RPL3L: variants seen among roughly 807,000 people sequenced by gnomAD.
RPL3L encodes the protein ribosomal protein uL3-like.
Under a neutral mutation model 44.5 loss-of-function variants are expected in RPL3L, and 44 were observed. The ratio of observed to expected loss-of-function variants is 0.99; its 90% CI spans 0.78 to 1.27. The LOEUF (loss-of-function observed/expected upper bound fraction) is 1.27. RPL3L is among the 50% of genes most tolerant of loss of function. RPL3L has a pLI of 0.00. For missense variants in RPL3L, 631 were observed against 569.1 expected, an observed-to-expected ratio of 1.11 and a Z score of -1.11; for synonymous variants, 292 against 230.7, an observed-to-expected ratio of 1.27 and a Z score of -2.41.
rs1388221264 is a variant in RPL3L, at chr16:1,953,675, G to A, written c.196+281C>T. Among the ~76,000 whole-genome samples, 5 of 152,218 alleles carry A rather than the reference G, an allele frequency of 3.3e-5. No homozygotes were observed. The South Asian group carries it at 6.2e-4, about 19-fold the overall frequency. On this transcript the variant is annotated intron_variant, in intron 2 of 9. Transcript: ENST00000268661. The stretch of plus-strand genomic sequence containing the variant: ...GCAGGTGGTTTGAACCGAGGGCTTG[G>A]GGCGCTGGCCTTTGAATCCTAGCTC...
chr16:1,953,808 G>A (rs1431698031), intron 2 of RPL3L, 148 bp downstream of exon 2: 3 of 796,898 alleles, frequency 3.8e-6, no homozygotes, highest in Admixed American at 4.0e-5. Context: ...AGCCCTGCCT[G>A]TGCTCAGCGT....
At position 1,946,061 on chromosome 16, in the gene RPL3L, G is replaced by A. The variant is rs58516085; in HGVS notation, c.952-131C>T. ...CCCCGTGCCCAGCCCCCAGATGTAG[G>A]GGTGACTATCACGCCGCCCCTACTG... On this transcript the variant is annotated intron_variant, in intron 7 of 9. Transcript: ENST00000268661. The A allele has an allele frequency of 1.3e-3, 955 of 710,268 alleles. 9 individuals are homozygous for A. In the African/African-American group the frequency reaches 0.015, roughly 11 times the overall value. 44.0% of individuals were successfully genotyped at this position (710,268 alleles called of 1,614,324 possible).
At chr16:1,946,019 G>A in intron 7 of RPL3L, 89 bp from the exon 8 acceptor site, 1 of 1,098,426 alleles carries the variant, frequency 9.1e-7, no homozygotes, top group South Asian at 1.5e-5. Flanking sequence ...CCCAGAGGGG[G>A]CAGTGATAGG....
Position 1,946,943 on chromosome 16 carries a change from T to C in RPL3L, c.844A>G (p.Lys282Glu), listed in dbSNP as rs1453304901. Residue 282 changes from lysine (K) to glutamate (E), a missense_variant, in exon 6 of 10, where the codon AAG becomes GAG. Lys to Glu is a moderately conservative substitution (Grantham distance 56). Transcript: ENST00000268661. ...KGYHHRTELNKKIFRIGRGPH... is the reference protein window; with the variant it reads ...KGYHHRTELNEKIFRIGRGPH... ...TACCCCGGCTGAGGACGCACCTTCT[T>C]GTTGAGCTCCGTGCGGTGGTGATAG... The C allele has an allele frequency of 2.3e-5, 37 of 1,600,044 alleles. No homozygotes were observed. Among genetic ancestry groups the C allele is most frequent in the African/African-American group, 4.0e-5 (3 of 74,498 alleles).
Position 1,954,286 on chromosome 16 carries a change from A to T in RPL3L, c.4-138T>A, listed in dbSNP as rs556651396. The T allele has an allele frequency of 4.9e-5, 48 of 976,660 alleles. No homozygotes were observed. In the African/African-American group the frequency reaches 6.6e-4, roughly 13 times the overall value. 60.5% of individuals were successfully genotyped at this position (976,660 alleles called of 1,614,324 possible). A position where few individuals can be genotyped will look rare whatever the true frequency, so the allele number is the denominator to read the frequency against. ...TGCTCAGCACCTCCCCTGTCTGCCT[A>T]CAGGAGGGGAGAGGAAGGTTCACCA... On this transcript the variant is annotated intron_variant, in intron 1 of 9. Transcript: ENST00000268661.
In RPL3L at chr16:1,948,110, T is replaced by C. The variant is rs192150878; in HGVS notation, c.502-730A>G. On this transcript the variant is annotated intron_variant, in intron 4 of 9. Coordinates refer to ENST00000268661, the MANE Select transcript of RPL3L (RefSeq NM_005061.3). ...CCGCCACCTCGACCAGCTAATTTTT[T>C]GTATTTTTAGTTGAGACAGGGTTTC... Among the ~76,000 whole-genome samples, 829 of 151,804 alleles carry C rather than the reference T, an allele frequency of 5.5e-3. 11 individuals are homozygous for C. The highest frequency in any genetic ancestry group is 0.019 in the African/African-American group (781 of 41,378).
In RPL3L at chr16:1,944,786, C is replaced by T. The variant is rs753222924; in HGVS notation, c.*51G>A. The T allele has an allele frequency of 1.6e-5, 25 of 1,612,120 alleles. No individual in the cohort carries two copies. Among genetic ancestry groups the T allele is most frequent in the Non-Finnish European group, 2.0e-5 (24 of 1,178,368 alleles). ...AGAGTCGCCTCCGGCCTTTGTTAGA[C>T]ATTGGGGCAGACAGTGCGGTGCGCT... On this transcript the variant is annotated 3_prime_UTR_variant, in exon 10 of 10. Transcript: ENST00000268661.
intron 4 of RPL3L, among the ~76,000 whole-genome samples, chr16:1,948,211 A>T (rs2083140081): frequency 6.7e-6 from 1 of 148,530 alleles, no homozygotes; most frequent in Admixed American, 6.7e-5. Context: ...TGCTGGGATT[A>T]CAGGCGTGAG....
intron 3 of RPL3L, 41 bp downstream of exon 3, chr16:1,952,833 C>G (rs1000011132): frequency 1.2e-6 from 2 of 1,606,962 alleles, no homozygotes; most frequent in South Asian, 1.1e-5. Context: ...CTTCTGTGGT[C>G]CCAGCAGCCC....
At chr16:1,948,144 G>T (rs568147209) in intron 4 of RPL3L, among the ~76,000 whole-genome samples, 1 of 151,664 alleles carries the variant, frequency 6.6e-6, no homozygotes, top group Non-Finnish European at 1.5e-5. Flanking sequence ...TCACTGTGTT[G>T]GCCCGGATGG....
intron 4 of RPL3L, among the ~76,000 whole-genome samples, chr16:1,948,103 A>G (rs1018666200): frequency 3.3e-5 from 5 of 151,016 alleles, no homozygotes; most frequent in African/African-American, 1.2e-4. Context: ...TCGACCAGCT[A>G]ATTTTTTGTA....
In RPL3L at chr16:1,945,588, C is replaced by A. The variant is rs140116056; in HGVS notation, c.1078G>T (p.Val360Leu). The stretch of plus-strand genomic sequence containing the variant: ...ATGAACTTGAGCTCAATATTCTCCA[C>A]GGCTTGGCGACTGTGATGCACCAGG... ...SLLVHHSRQA[V>L]ENIELKFIDT... Residue 360 changes from valine (V) to leucine (L), a missense_variant, in exon 9 of 10, where the codon GTG (valine) becomes TTG (leucine). Transcript: ENST00000268661. The A allele has an allele frequency of 1.8e-5, 29 of 1,613,782 alleles. No homozygotes were observed. Among genetic ancestry groups the A allele is most frequent in the East Asian group, 6.7e-5 (3 of 44,860 alleles).
intron 9 of RPL3L, 99 bp downstream of exon 9, chr16:1,945,399 AG>A (rs1205690803): frequency 7.8e-7 from 1 of 1,285,186 alleles, no homozygotes; most frequent in East Asian, 2.9e-5. Context: ...CCTGCAGTTG[AG>A]CTCAGGGGAG....
Position 1,944,575 on chromosome 16 carries a change from C to A in RPL3L, c.*262G>T. The A allele has an allele frequency of 2.8e-6, 1 of 359,752 alleles. No homozygotes were observed. The highest frequency in any genetic ancestry group is 5.1e-6 in the Non-Finnish European group (1 of 196,402). 22.3% of individuals were successfully genotyped at this position (359,752 alleles called of 1,614,324 possible). ...AAAAAAAAAAAAAACCTCTGCTCCG[C>A]AAATGCTCAAAGAGATCGATTTGAG... is the stretch of plus-strand genomic sequence containing the variant. On this transcript the variant is annotated 3_prime_UTR_variant, in exon 10 of 10. Transcript: ENST00000268661.
intron 1 of RPL3L, 142 bp from the exon 2 acceptor site, chr16:1,954,290 G>T: frequency 1.0e-6 from 1 of 955,512 alleles, no homozygotes; most frequent in Non-Finnish European, 1.5e-6. Context: ...CTGCCTACAG[G>T]AGGGGAGAGG....
At chr16:1,946,048 C>G in intron 7 of RPL3L, 118 bp from the exon 8 acceptor site, 1 of 792,474 alleles carries the variant, frequency 1.3e-6, no homozygotes, top group Non-Finnish European at 2.0e-6. Flanking sequence ...CCGTGCCCAG[C>G]CCCCAGATGT....
At chr16:1,945,240 A>G (rs989373486) in intron 9 of RPL3L, among the ~76,000 whole-genome samples, 1 of 151,966 alleles carries the variant, frequency 6.6e-6, no homozygotes, top group Non-Finnish European at 1.5e-5. Context: ...CTGTAGTACC[A>G]ACGACTGGGT....
rs768125234 is a variant in RPL3L at position 1,953,091 on chromosome 16, G to A, written c.197-49C>T. ...CATGAAGGGGGACCTCCTGAGGCCTGTGGGGGAGGGAGTGGAGAGCCGCCC... is the reference window on the plus strand; with the variant it reads ...CATGAAGGGGGACCTCCTGAGGCCTATGGGGGAGGGAGTGGAGAGCCGCCC... On this transcript the variant is annotated intron_variant, in intron 2 of 9. Transcript: ENST00000268661. 3 of 1,539,300 alleles carry A rather than the reference G, an allele frequency of 1.9e-6. No homozygotes were observed. In the African/African-American group the frequency reaches 4.1e-5, roughly 21 times the overall value.
At chr16:1,946,014 AG>A in intron 7 of RPL3L, 84 bp from the exon 8 acceptor site, 2 of 1,211,642 alleles carry the variant, frequency 1.7e-6, no homozygotes, top group Non-Finnish European at 1.2e-6. Context: ...GAACCCCCAG[AG>A]GGGGCAGTGA....
Sources: gnomAD v4.1 joint callset for allele counts (sites outside exome capture counted in the v4.1 genomes callset) on GRCh38, gnomAD v4.1.1 for gene constraint, MANE v1.5 for transcripts, NCBI Gene and HGNC (gene_info 2026-07-23, HGNC 2026-07-21) for gene names.